The following PRDM10 variants were observed in gnomAD, a reference collection of about 807,000 sequenced individuals.
PRDM10 encodes the protein PR domain zinc finger protein 10.
In PRDM10, 65 loss-of-function variants were observed where a neutral mutation model predicts 133.1. The observed-to-expected ratio is 0.49, with a 90% CI of 0.40 to 0.60. PRDM10 has a LOEUF of 0.60. Ranked by LOEUF, PRDM10 falls within the 20% of genes least tolerant of loss-of-function variation. The pLI is 0.00. For missense variants in PRDM10, 1,137 were observed against 1,507.1 expected (o/e 0.75, Z 4.07); for synonymous variants, 582 against 580.4 (o/e 1.00, Z -0.04).
chr11:129,937,723 T>C (rs1206443991), intron 7 of PRDM10, 53 bp from the exon 8 acceptor site: 4 of 1,477,126 alleles, frequency 2.7e-6, no homozygotes, highest in African/African-American at 1.4e-5. Context: ...AGATGTTCTT[T>C]GCATGCTTAA....
chr11:129,976,696 TAGA>T (rs758592510), intron 1 of PRDM10, among the ~76,000 whole-genome samples: 18 of 152,144 alleles, frequency 1.2e-4, no homozygotes, highest in Non-Finnish European at 2.4e-4. Flanking sequence ...AGGAACGTAA[TAGA>T]AGGAGAGAGT....
intron 11 of PRDM10, among the ~76,000 whole-genome samples, chr11:129,929,981 CAT>C (rs1444646003): frequency 6.6e-6 from 1 of 152,182 alleles, no homozygotes; most frequent in Non-Finnish European, 1.5e-5. Flanking sequence ...CTGAGAGTTT[CAT>C]ATGTTTCGAT....
rs1357697484 is a variant in PRDM10, at chr11:129,912,115, C to T, written c.2952G>A (p.Glu984=). 8 of 1,612,326 alleles carry T rather than the reference C, an allele frequency of 5.0e-6. No individual in the cohort carries two copies. The South Asian group carries it at 8.8e-5, about 18-fold the overall frequency. Residue 984 remains glutamate (E), a synonymous_variant, in exon 18 of 21, where the codon GAG becomes GAA. Coordinates refer to ENST00000360871, the MANE Select transcript of PRDM10 (RefSeq NM_199437.2). ...CGGAGGACGGGGCCGAGGCGGTAGG[C>T]TCGCTGACCTGGATGTGCTGCACCT... is the stretch of plus-strand genomic sequence containing the variant. ...AIQVQHIQVS[E]PTASAPSSAQ...
At chr11:129,943,954 T>C (rs1951303641) in intron 6 of PRDM10, among the ~76,000 whole-genome samples, 1 of 152,096 alleles carries the variant, frequency 6.6e-6, no homozygotes, top group Admixed American at 6.5e-5. Context: ...ATTGCACCAC[T>C]GCACTTCAGC....
At chr11:129,920,828 C>T (rs375227951) in intron 13 of PRDM10, among the ~76,000 whole-genome samples, 10 of 152,114 alleles carry the variant, frequency 6.6e-5, no homozygotes, top group South Asian at 6.2e-4. Flanking sequence ...GATGGAGTCT[C>T]GCTCTGTCAC....
At chr11:129,996,091 T>C (rs961738416) in intron 1 of PRDM10, among the ~76,000 whole-genome samples, 7 of 152,232 alleles carry the variant, frequency 4.6e-5, no homozygotes, top group African/African-American at 1.7e-4. Context: ...GCATTCTACG[T>C]GAGGGGGCTA....
chr11:129,985,809 A>AT (rs61380869), intron 1 of PRDM10, among the ~76,000 whole-genome samples: 29 of 61,036 alleles, frequency 4.8e-4, no homozygotes, highest in South Asian at 1.3e-3. Context: ...AAAAAAAAAA[A>AT]ATATATATAT....
Position 129,905,718 on chromosome 11 carries a change from G to A in PRDM10, c.3187C>T (p.Leu1063Phe), listed in dbSNP as rs748021253. Residue 1063 changes from leucine to phenylalanine, a missense_variant, in exon 20 of 21, where the codon CTT becomes TTT. Physicochemically the swap from Leu to Phe is conservative, Grantham distance 22. Coordinates refer to ENST00000360871, the MANE Select transcript of PRDM10 (RefSeq NM_199437.2). ...GTAATCACAAACTGACCCGGAGGAA[G>A]CGTCATCATTTGAATCTCAGATGCT... ...GYSSEIQMMT[L>F]PPGQFVITDS... 3 of 1,613,946 alleles carry A rather than the reference G, an allele frequency of 1.9e-6. No homozygotes were observed. Among genetic ancestry groups the A allele is most frequent in the African/African-American group, 1.3e-5 (1 of 74,926 alleles).
At chr11:129,983,259 T>C (rs1330265504) in intron 1 of PRDM10, among the ~76,000 whole-genome samples, 1 of 151,104 alleles carries the variant, frequency 6.6e-6, no homozygotes, top group Non-Finnish European at 1.5e-5. Flanking sequence ...ATTACAAGCA[T>C]GAGCCACCAC....
At chr11:129,950,482 C>T (rs939597733) in intron 4 of PRDM10, among the ~76,000 whole-genome samples, 5 of 152,184 alleles carry the variant, frequency 3.3e-5, no homozygotes, top group South Asian at 2.1e-4. Context: ...TTCTGGAAGA[C>T]GCTTCTGCCT....
intron 1 of PRDM10, among the ~76,000 whole-genome samples, chr11:129,973,364 T>G (rs987176468): frequency 2.0e-5 from 3 of 152,174 alleles, no homozygotes; most frequent in Non-Finnish European, 4.4e-5. Context: ...ATAACTGAGC[T>G]AAGGAAACCA....
At position 129,910,387 on chromosome 11, in the gene PRDM10, T is replaced by C. The variant is rs1458363159; in HGVS notation, c.3163+89A>G. ...TGTAAACAATGGCCAAGAGATACTT[T>C]AAAAATCTATCACAAGCTGAAGAAA... On this transcript the variant is annotated intron_variant, in intron 19 of 20. Coordinates refer to ENST00000360871, the MANE Select transcript of PRDM10 (RefSeq NM_199437.2). The C allele has an allele frequency of 4.5e-6, 7 of 1,556,050 alleles. No homozygotes were observed. In the Admixed American group the frequency reaches 8.6e-5, roughly 19 times the overall value.
chr11:129,998,592 G>C (rs1204346586), intron 1 of PRDM10, among the ~76,000 whole-genome samples: 1 of 152,018 alleles, frequency 6.6e-6, no homozygotes, highest in Non-Finnish European at 1.5e-5. Context: ...ACTATACTTA[G>C]GGTTACCCAT....
intron 3 of PRDM10, among the ~76,000 whole-genome samples, chr11:129,956,430 G>C (rs961701566): frequency 1.3e-5 from 2 of 152,176 alleles, no homozygotes; most frequent in Non-Finnish European, 2.9e-5. Context: ...TTGTTGTGGT[G>C]GTGGGTGCCT....
intron 1 of PRDM10, among the ~76,000 whole-genome samples, chr11:129,985,216 A>G (rs766804953): frequency 6.6e-6 from 1 of 152,208 alleles, no homozygotes; most frequent in African/African-American, 2.4e-5. Context: ...AACAAAAAAC[A>G]GTATTGCCAT....
At chr11:129,981,460 T>A (rs7941821) in intron 1 of PRDM10, among the ~76,000 whole-genome samples, 1 of 152,022 alleles carries the variant, frequency 6.6e-6, no homozygotes, top group African/African-American at 2.4e-5. Context: ...AGAAATGTAA[T>A]CATACTTTTT....
intron 20 of PRDM10, among the ~76,000 whole-genome samples, chr11:129,904,604 A>G (rs910354964): frequency 7.2e-5 from 11 of 152,086 alleles, no homozygotes; most frequent in African/African-American, 2.7e-4. Flanking sequence ...GGTTCAAGCA[A>G]TTCTCATGCT....
At chr11:129,927,280 TC>T (rs758417128) in intron 11 of PRDM10, among the ~76,000 whole-genome samples, 16 of 148,484 alleles carry the variant, frequency 1.1e-4, no homozygotes, top group Non-Finnish European at 2.1e-4. Context: ...AGTAGCCACC[TC>T]ATCTTTTTAA....
chr11:129,911,060 G>A (rs1477767008), intron 18 of PRDM10, among the ~76,000 whole-genome samples: 1 of 152,214 alleles, frequency 6.6e-6, no homozygotes, highest in Non-Finnish European at 1.5e-5. Context: ...ACAGGCATGA[G>A]ACACAACGCC....
Sources: gnomAD v4.1 joint callset for allele counts (sites outside exome capture counted in the v4.1 genomes callset) on GRCh38, gnomAD v4.1.1 for gene constraint, MANE v1.5 for transcripts, NCBI Gene and HGNC (gene_info 2026-07-23, HGNC 2026-07-21) for gene names.